CACNA1A: variants seen among roughly 807,000 people sequenced by gnomAD.
The protein encoded by CACNA1A is calcium voltage-gated channel subunit alpha1 A, also known as voltage-dependent P/Q-type calcium channel subunit alpha-1A.
In CACNA1A, 57 loss-of-function variants were observed where a neutral mutation model predicts 262.4. The ratio of observed to expected loss-of-function variants is 0.22; its 90% CI spans 0.18 to 0.27. CACNA1A has a LOEUF of 0.27. Among genes scored for constraint, CACNA1A ranks in the 10% least tolerant of loss-of-function variants. CACNA1A has a pLI of 1.00. For synonymous variants in CACNA1A, 1,431 were observed against 1,419.3 expected (o/e 1.01, Z -0.18); for missense variants, 2,526 against 3,562.8 (o/e 0.71, Z 7.41).
intron 3 of CACNA1A, among the ~76,000 whole-genome samples, chr19:13,439,671 A>T (rs1328082705): frequency 6.6e-6 from 1 of 151,690 alleles, no homozygotes; most frequent in African/African-American, 2.4e-5. Context: ...TCGGCCTCCC[A>T]AAGTGCTGGG....
chr19:13,387,392 A>G (rs1006552136), intron 3 of CACNA1A, among the ~76,000 whole-genome samples: 2 of 152,170 alleles, frequency 1.3e-5, no homozygotes, highest in African/African-American at 4.8e-5. Context: ...TATGCTGCTT[A>G]CCAGGGACTT....
chr19:13,231,457 C>G (rs946152141), intron 35 of CACNA1A, among the ~76,000 whole-genome samples: 51 of 152,210 alleles, frequency 3.4e-4, no homozygotes, highest in Admixed American at 2.7e-3. Flanking sequence ...CTGCCAGCAT[C>G]TGGTGGGGGG....
intron 38 of CACNA1A, among the ~76,000 whole-genome samples, chr19:13,217,673 C>T (rs993126507): frequency 7.9e-5 from 12 of 152,270 alleles, no homozygotes; most frequent in African/African-American, 2.9e-4. Flanking sequence ...ACAACTGTGA[C>T]AGCCAAATTC....
At chr19:13,377,023 G>A (rs9989675) in intron 3 of CACNA1A, among the ~76,000 whole-genome samples, 1,691 of 151,648 alleles carry the variant, frequency 0.011, 33 homozygotes, top group African/African-American at 0.039. Context: ...GCAATGGCAC[G>A]ACCTCAGCTC....
intron 3 of CACNA1A, among the ~76,000 whole-genome samples, chr19:13,435,279 A>G (rs533333481): frequency 6.7e-6 from 1 of 150,136 alleles, no homozygotes; most frequent in South Asian, 2.1e-4. Flanking sequence ...ATGCCTGGCT[A>G]ATTTTTTTTT....
intron 1 of CACNA1A, among the ~76,000 whole-genome samples, chr19:13,455,627 T>A (rs1451399172): frequency 6.6e-6 from 1 of 152,184 alleles, no homozygotes; most frequent in East Asian, 1.9e-4. Flanking sequence ...ATATACCATG[T>A]TATACAGTAC....
intron 3 of CACNA1A, 21 bp from the exon 4 acceptor site, chr19:13,371,800 T>A: frequency 6.5e-7 from 1 of 1,537,808 alleles, no homozygotes; most frequent in Non-Finnish European, 8.8e-7. Context: ...GAAGCCAGAA[T>A]GGAGAACAGA....
intron 3 of CACNA1A, among the ~76,000 whole-genome samples, chr19:13,402,474 A>G (rs1215234729): frequency 1.3e-5 from 2 of 151,998 alleles, no homozygotes; most frequent in Admixed American, 1.3e-4. Flanking sequence ...GGTTCTCACA[A>G]ATCTCCACTG....
At position 13,228,860 on chromosome 19, in the gene CACNA1A, C is replaced by T. The variant is rs191364773; in HGVS notation, c.5528+1222G>A. 514 of 877,662 alleles carry T rather than the reference C, an allele frequency of 5.9e-4. 5 individuals carry two copies. The African/African-American group carries it at 8.1e-3, about 14-fold the overall frequency. The allele number at this position is 877,662 out of a possible 1,614,324, so 54.4% of individuals were successfully genotyped here. ...TCACACGGGCTCCCTGGGCACACAG[C>T]GAGGTCATGATGCCCGAGGCTGGGG... is the stretch of plus-strand genomic sequence containing the variant. On this transcript the variant is annotated intron_variant, in intron 36 of 46. Transcript: ENST00000360228.
chr19:13,338,672 A>T (rs1009522530), intron 6 of CACNA1A, among the ~76,000 whole-genome samples: 3 of 152,190 alleles, frequency 2.0e-5, no homozygotes, highest in African/African-American at 7.2e-5. Context: ...ATGATGCTCA[A>T]AGTCCTGGTA....
At chr19:13,502,670 C>A (rs563719359) in intron 1 of CACNA1A, among the ~76,000 whole-genome samples, 1 of 152,100 alleles carries the variant, frequency 6.6e-6, no homozygotes, top group South Asian at 2.1e-4. Context: ...TCAAAGACTT[C>A]CATTTGGGTT....
intron 5 of CACNA1A, among the ~76,000 whole-genome samples, chr19:13,360,286 TGA>T: frequency 7.1e-6 from 1 of 140,562 alleles, no homozygotes; most frequent in South Asian, 2.3e-4. Context: ...TATATATATA[TGA>T]AGACAGAGGG....
intron 3 of CACNA1A, among the ~76,000 whole-genome samples, chr19:13,393,065 G>A (rs770034125): frequency 3.1e-4 from 47 of 152,104 alleles, no homozygotes; most frequent in Non-Finnish European, 5.7e-4. Context: ...CACTGTGCCC[G>A]GCCAATTGTT....
chr19:13,402,625 A>G (rs2059915122), intron 3 of CACNA1A, among the ~76,000 whole-genome samples: 1 of 151,060 alleles, frequency 6.6e-6, no homozygotes, highest in South Asian at 2.1e-4. Flanking sequence ...CAATTTCTGA[A>G]AAAATAGTAT....
chr19:13,317,093 G>A lies in CACNA1A; in HGVS notation c.1555+19C>T. The A allele has an allele frequency of 3.2e-6, 5 of 1,558,474 alleles. No homozygotes were observed. The highest frequency in any genetic ancestry group is 4.4e-6 in the Non-Finnish European group (5 of 1,132,182). ...GAGGGATCAGGGAGTTGGCAGGGGT[G>A]GGGCTGGGTGATACTCACAAAGGAA... is the stretch of plus-strand genomic sequence containing the variant. On this transcript the variant is annotated intron_variant, in intron 11 of 46. Transcript: ENST00000360228.
At chr19:13,358,139 C>T (rs534735694) in intron 6 of CACNA1A, among the ~76,000 whole-genome samples, 2 of 152,340 alleles carry the variant, frequency 1.3e-5, no homozygotes, top group Non-Finnish European at 2.9e-5. Context: ...TGAAGAGGTA[C>T]GTGCAACATG....
intron 1 of CACNA1A, among the ~76,000 whole-genome samples, chr19:13,473,656 C>T (rs1017573396): frequency 6.6e-6 from 1 of 152,184 alleles, no homozygotes; most frequent in Non-Finnish European, 1.5e-5. Context: ...TTTCCTGTTA[C>T]AAGTTCCAGG....
At chr19:13,336,983 G>C (rs1049436456) in intron 6 of CACNA1A, among the ~76,000 whole-genome samples, 6 of 152,230 alleles carry the variant, frequency 3.9e-5, no homozygotes, top group African/African-American at 1.4e-4. Context: ...GGGCTCTCAA[G>C]TGTGGCTTTA....
intron 3 of CACNA1A, among the ~76,000 whole-genome samples, chr19:13,421,513 C>A (rs553577625): frequency 1.6e-4 from 25 of 152,076 alleles, no homozygotes; most frequent in Non-Finnish European, 3.2e-4. Flanking sequence ...ATGTCTGTGT[C>A]TTTCTCAAAT....
Sources: gnomAD v4.1 joint callset for allele counts (sites outside exome capture counted in the v4.1 genomes callset) on GRCh38, gnomAD v4.1.1 for gene constraint, MANE v1.5 for transcripts, NCBI Gene and HGNC (gene_info 2026-07-23, HGNC 2026-07-21) for gene names.